The following TULP4 variants were observed in gnomAD, a reference collection of about 807,000 sequenced individuals.
TULP4 encodes the protein TUB like protein 4.
In TULP4, 16 loss-of-function variants were observed where a neutral mutation model predicts 129.0. The observed-to-expected ratio is 0.12, with a 90% CI of 0.08 to 0.19. TULP4 has a LOEUF of 0.19. Among genes scored for constraint, TULP4 ranks in the 10% least tolerant of loss-of-function variants. The pLI is 1.00. For missense variants in TULP4, 1,842 were observed against 2,059.1 expected, an observed-to-expected ratio of 0.89 and a Z score of 2.04; for synonymous variants, 998 against 854.0, an observed-to-expected ratio of 1.17 and a Z score of -2.94.
At chr6:158,491,453 TC>T (rs1306475883) in intron 9 of TULP4, among the ~76,000 whole-genome samples, 6,485 of 33,848 alleles carry the variant, frequency 0.19, 212 homozygotes, top group Non-Finnish European at 0.22. Flanking sequence ...TTTCTTTCTT[TC>T]TTTTCTTTCT....
At chr6:158,325,611 C>T (rs1184082877) in intron 1 of TULP4, among the ~76,000 whole-genome samples, 1 of 152,264 alleles carries the variant, frequency 6.6e-6, no homozygotes, top group East Asian at 1.9e-4. Context: ...CTCGGCCTCC[C>T]AAAGTACTGG....
At chr6:158,452,706 G>A (rs1348771706) in intron 5 of TULP4, among the ~76,000 whole-genome samples, 1 of 152,192 alleles carries the variant, frequency 6.6e-6, no homozygotes, top group Non-Finnish European at 1.5e-5. Flanking sequence ...GATCATCACT[G>A]TGCGATAAAG....
At chr6:158,305,317 C>CTGTGTG (rs1310324923) in intron 1 of TULP4, among the ~76,000 whole-genome samples, 1 of 115,900 alleles carries the variant, frequency 8.6e-6, no homozygotes, top group Non-Finnish European at 1.8e-5. Context: ...ATATTTCATT[C>CTGTGTG]TGTGTGCGTG....
At chr6:158,426,367 T>G (rs1046382502) in intron 2 of TULP4, among the ~76,000 whole-genome samples, 1 of 152,268 alleles carries the variant, frequency 6.6e-6, no homozygotes, top group Non-Finnish European at 1.5e-5. Flanking sequence ...TTTTTACATT[T>G]AAGTCTTTAA....
chr6:158,434,029 C>A (rs1220682049), intron 3 of TULP4, among the ~76,000 whole-genome samples: 2 of 152,202 alleles, frequency 1.3e-5, no homozygotes, highest in African/African-American at 4.8e-5. Flanking sequence ...TTACAGACAC[C>A]TGCCTTCTTA....
chr6:158,239,272 C>T (rs1207176967), intron 1 of TULP4, among the ~76,000 whole-genome samples: 3 of 60,834 alleles, frequency 4.9e-5, no homozygotes, highest in Admixed American at 1.6e-4. Context: ...GGCGGCTGGC[C>T]GGGCAGAGGG....
intron 5 of TULP4, among the ~76,000 whole-genome samples, chr6:158,458,398 A>G (rs542745595): frequency 1.3e-3 from 192 of 152,292 alleles, no homozygotes; most frequent in Non-Finnish European, 2.3e-3. Context: ...GAGAAGAAAC[A>G]TAGATGCTTC....
At chr6:158,254,505 A>G (rs1405563121) in intron 1 of TULP4, among the ~76,000 whole-genome samples, 2 of 152,202 alleles carry the variant, frequency 1.3e-5, no homozygotes, top group East Asian at 1.9e-4. Flanking sequence ...GTTTGGCCAG[A>G]TAAGAGTGTT....
intron 1 of TULP4, among the ~76,000 whole-genome samples, chr6:158,236,492 CATTTA>C (rs1777703016): frequency 6.6e-6 from 1 of 151,896 alleles, no homozygotes; most frequent in Non-Finnish European, 1.5e-5. Context: ...TGTGGCCATT[CATTTA>C]ATTAAGTGAA....
At chr6:158,498,453 A>G (rs898822892) in intron 11 of TULP4, among the ~76,000 whole-genome samples, 1 of 152,270 alleles carries the variant, frequency 6.6e-6, no homozygotes, top group African/African-American at 2.4e-5. Context: ...TAGACCGGGA[A>G]TCTGCTGTTA....
intron 13 of TULP4, 80 bp downstream of exon 13, chr6:158,504,258 A>T (rs935924019): frequency 1.6e-5 from 19 of 1,195,640 alleles, no homozygotes; most frequent in Non-Finnish European, 2.0e-5. Flanking sequence ...GCATTTTTCA[A>T]AAGGCCAAAT....
chr6:158,454,853 G>T (rs1002275839), intron 5 of TULP4, among the ~76,000 whole-genome samples: 5 of 152,010 alleles, frequency 3.3e-5, no homozygotes, highest in African/African-American at 1.2e-4. Flanking sequence ...TGATCCACCC[G>T]CCTGGGCCTC....
intron 1 of TULP4, among the ~76,000 whole-genome samples, chr6:158,332,167 G>C: frequency 3.2e-5 from 1 of 30,866 alleles, no homozygotes; most frequent in African/African-American, 1.1e-4. Flanking sequence ...GTAAGACTCT[G>C]TCAAAAAAAA....
chr6:158,435,430 G>A (rs1778729618), intron 3 of TULP4, among the ~76,000 whole-genome samples: 1 of 152,130 alleles, frequency 6.6e-6, no homozygotes, highest in African/African-American at 2.4e-5. Context: ...GACCCTGTCA[G>A]CACATCCAGG....
chr6:158,300,065 G>A (rs1032767995), intron 1 of TULP4, among the ~76,000 whole-genome samples: 13 of 152,272 alleles, frequency 8.5e-5, no homozygotes, highest in South Asian at 6.2e-4. Flanking sequence ...TTAATTTGGC[G>A]TGCCAGTTTC....
intron 1 of TULP4, among the ~76,000 whole-genome samples, chr6:158,385,081 C>T (rs1777410004): frequency 6.6e-6 from 1 of 152,166 alleles, no homozygotes; most frequent in African/African-American, 2.4e-5. Flanking sequence ...TCGCCCACGT[C>T]AGTGTGTTGA....
intron 1 of TULP4, among the ~76,000 whole-genome samples, chr6:158,354,348 A>G (rs1333588674): frequency 6.6e-6 from 1 of 152,208 alleles, no homozygotes; most frequent in African/African-American, 2.4e-5. Context: ...ATCCAGCTAC[A>G]TGATGTCATT....
intron 11 of TULP4, among the ~76,000 whole-genome samples, chr6:158,496,319 A>T (rs1780337190): frequency 1.3e-5 from 2 of 152,404 alleles, no homozygotes; most frequent in South Asian, 2.1e-4. Context: ...TGTATGAAGC[A>T]GTTCATACAC....
At chr6:158,346,945 C>T (rs1355349437) in intron 1 of TULP4, among the ~76,000 whole-genome samples, 1 of 152,152 alleles carries the variant, frequency 6.6e-6, no homozygotes, top group African/African-American at 2.4e-5. Context: ...CTGCAGCAGA[C>T]ATGAAAGGTG....
Sources: allele counts gnomAD v4.1 joint callset (sites outside exome capture counted in the v4.1 genomes callset), GRCh38; gene constraint gnomAD v4.1.1; transcripts MANE v1.5; gene names NCBI Gene and HGNC (gene_info 2026-07-23, HGNC 2026-07-21).